The following UBE3D variants were observed in gnomAD, a reference collection of about 807,000 sequenced individuals.
UBE3D encodes ubiquitin protein ligase E3D.
UBE3D carries 48 observed loss-of-function variants against 49.6 expected under a neutral mutation model. The ratio of observed to expected loss-of-function variants is 0.97; its 90% CI spans 0.77 to 1.23. The LOEUF is 1.23. Among genes scored for constraint, UBE3D ranks in the 50% most tolerant of loss-of-function variants. The pLI, the probability that UBE3D is intolerant of heterozygous loss-of-function variation, is 0.00. For synonymous variants in UBE3D, 189 were observed against 174.2 expected (o/e 1.08, Z -0.67); for missense variants, 452 against 468.4 (o/e 0.96, Z 0.32).
intron 1 of UBE3D, among the ~76,000 whole-genome samples, chr6:83,065,105 G>GCTGT (rs1315252636): frequency 1.3e-5 from 2 of 152,218 alleles, no homozygotes; most frequent in Non-Finnish European, 2.9e-5. Context: ...CCAGTAAGAA[G>GCTGT]TCTACAACCT....
At chr6:83,028,105 T>C (rs892001367) in intron 5 of UBE3D, among the ~76,000 whole-genome samples, 1 of 152,168 alleles carries the variant, frequency 6.6e-6, no homozygotes, top group Admixed American at 6.6e-5. Context: ...TTGTATAAAT[T>C]TATTGTTTAA....
chr6:82,937,358 C>T (rs571463336), intron 9 of UBE3D, among the ~76,000 whole-genome samples: 1 of 152,092 alleles, frequency 6.6e-6, no homozygotes, highest in East Asian at 1.9e-4. Context: ...AACAAAAACA[C>T]ACAAAAAAAG....
intron 1 of UBE3D, among the ~76,000 whole-genome samples, chr6:83,060,330 T>G (rs1184477059): frequency 6.6e-6 from 1 of 152,158 alleles, no homozygotes; most frequent in Non-Finnish European, 1.5e-5. Flanking sequence ...TGATTCTCAC[T>G]GTGGGAGAAT....
chr6:83,021,270 G>A (rs959732330), intron 7 of UBE3D, among the ~76,000 whole-genome samples: 2 of 151,960 alleles, frequency 1.3e-5, no homozygotes, highest in South Asian at 2.1e-4. Context: ...GCAAGACCTC[G>A]TCTTCACAAA....
chr6:82,958,085 G>T (rs865959073), intron 8 of UBE3D, among the ~76,000 whole-genome samples: 1 of 152,110 alleles, frequency 6.6e-6, no homozygotes, highest in Non-Finnish European at 1.5e-5. Context: ...ATATCCTGCG[G>T]AACCTATTTG....
At chr6:82,911,809 CAGG>C (rs1474976853) in intron 9 of UBE3D, among the ~76,000 whole-genome samples, 1 of 152,148 alleles carries the variant, frequency 6.6e-6, no homozygotes, top group Non-Finnish European at 1.5e-5. Flanking sequence ...TTTATAATCT[CAGG>C]AGAAGTCATG....
At chr6:83,042,337 G>A (rs73752505) in intron 4 of UBE3D, among the ~76,000 whole-genome samples, 5,603 of 152,208 alleles carry the variant, frequency 0.037, 165 homozygotes, top group African/African-American at 0.082. Flanking sequence ...CAATAACAAA[G>A]CCTCCAATAA....
intron 8 of UBE3D, among the ~76,000 whole-genome samples, chr6:82,986,476 A>AC (rs1778509044): frequency 1.3e-5 from 2 of 148,714 alleles, no homozygotes; most frequent in Non-Finnish European, 3.0e-5. Flanking sequence ...GTCTCAAAAA[A>AC]AAAAAAAAAA....
At chr6:82,945,821 A>T (rs1218741777) in intron 9 of UBE3D, among the ~76,000 whole-genome samples, 3 of 152,226 alleles carry the variant, frequency 2.0e-5, no homozygotes, top group Non-Finnish European at 4.4e-5. Context: ...AATAGATTGA[A>T]CTAATTAAAA....
chr6:83,005,779 T>C (rs576788800), intron 8 of UBE3D, among the ~76,000 whole-genome samples: 1 of 152,198 alleles, frequency 6.6e-6, no homozygotes, highest in South Asian at 2.1e-4. Flanking sequence ...ATGTGATATA[T>C]ACATACCATG....
Position 83,044,592 on chromosome 6 carries a change from GACA to G in UBE3D, c.430_432del (p.Cys144del). ...GATTTATTAGCAAAGGGGTCAGGAT[GACA>G]ACACCATTCTCCAACTAGAGCTCCC... On this transcript the variant is annotated inframe_deletion, in exon 4 of 10. Coordinates refer to ENST00000369747, the MANE Select transcript of UBE3D (RefSeq NM_198920.3). 1 of 1,614,116 alleles carries G rather than the reference GACA, an allele frequency of 6.2e-7. No individual in the cohort carries two copies. Among genetic ancestry groups the G allele is most frequent in the African/African-American group, 1.3e-5 (1 of 75,024 alleles).
At chr6:82,908,872 T>A (rs1250926930) in intron 9 of UBE3D, among the ~76,000 whole-genome samples, 1 of 152,150 alleles carries the variant, frequency 6.6e-6, no homozygotes, top group East Asian at 1.9e-4. Flanking sequence ...ACAGAGACAG[T>A]CCTGGGGTCA....
intron 8 of UBE3D, among the ~76,000 whole-genome samples, chr6:83,009,128 G>A (rs1295261927): frequency 6.6e-6 from 1 of 152,118 alleles, no homozygotes; most frequent in South Asian, 2.1e-4. Flanking sequence ...GAAAGGTAAA[G>A]ATTCTACATA....
At chr6:82,912,160 A>G (rs188328924) in intron 9 of UBE3D, among the ~76,000 whole-genome samples, 1 of 152,284 alleles carries the variant, frequency 6.6e-6, no homozygotes, top group Admixed American at 6.5e-5. Context: ...CAAATGTACT[A>G]AAAAGATTTC....
At chr6:83,003,433 C>T (rs1013490415) in intron 8 of UBE3D, among the ~76,000 whole-genome samples, 1 of 152,006 alleles carries the variant, frequency 6.6e-6, no homozygotes, top group Non-Finnish European at 1.5e-5. Flanking sequence ...TATTTTCTGT[C>T]TCTTCTTTTA....
At chr6:82,979,963 A>G (rs1778000242) in intron 8 of UBE3D, among the ~76,000 whole-genome samples, 1 of 152,116 alleles carries the variant, frequency 6.6e-6, no homozygotes, top group South Asian at 2.1e-4. Flanking sequence ...CTTTCTTTAT[A>G]TATACCACAT....
chr6:83,012,036 T>G (rs1222393087), intron 8 of UBE3D, among the ~76,000 whole-genome samples: 1 of 152,142 alleles, frequency 6.6e-6, no homozygotes. Context: ...CATTCCACTG[T>G]TCTATGCTTC....
At chr6:83,039,143 T>C (rs942063747) in intron 4 of UBE3D, among the ~76,000 whole-genome samples, 1 of 152,188 alleles carries the variant, frequency 6.6e-6, no homozygotes, top group Non-Finnish European at 1.5e-5. Flanking sequence ...ATAAAGAATA[T>C]GCCTTTTCCC....
chr6:82,895,854 G>A (rs1202953727), intron 9 of UBE3D, among the ~76,000 whole-genome samples: 1 of 152,134 alleles, frequency 6.6e-6, no homozygotes, highest in African/African-American at 2.4e-5. Context: ...CCAATCTTTG[G>A]TATTGCCTCA....
Sources: gnomAD v4.1 joint callset for allele counts (sites outside exome capture counted in the v4.1 genomes callset) on GRCh38, gnomAD v4.1.1 for gene constraint, MANE v1.5 for transcripts, NCBI Gene and HGNC (gene_info 2026-07-23, HGNC 2026-07-21) for gene names.